The following CPXM2 variants were observed in gnomAD, a reference collection of about 807,000 sequenced individuals.
CPXM2 encodes inactive carboxypeptidase-like protein X2.
In CPXM2, 66 loss-of-function variants were observed where a neutral mutation model predicts 86.1. That is an observed-to-expected ratio of 0.77 (90% CI 0.63 to 0.94). CPXM2 has a LOEUF of 0.94. CPXM2 is among the 40% of genes least tolerant of loss of function. The pLI is 0.00. For missense variants in CPXM2, 948 were observed against 1,026.3 expected, an observed-to-expected ratio of 0.92 and a Z score of 1.04; for synonymous variants, 388 against 400.2, an observed-to-expected ratio of 0.97 and a Z score of 0.36.
chr10:123,926,626 A>G (rs1480452219), intron 2 of CPXM2, among the ~76,000 whole-genome samples: 1 of 152,258 alleles, frequency 6.6e-6, no homozygotes, highest in Non-Finnish European at 1.5e-5. Flanking sequence ...AGCTTTCTTA[A>G]CAGAGATACA....
chr10:123,857,038 A>G (rs781569339), intron 3 of CPXM2, among the ~76,000 whole-genome samples: 6 of 152,178 alleles, frequency 3.9e-5, no homozygotes, highest in Non-Finnish European at 5.9e-5. Flanking sequence ...GAGTTAGTAT[A>G]AAGGGGTCCT....
chr10:123,873,967 C>T (rs2134218075), intron 2 of CPXM2, among the ~76,000 whole-genome samples: 1 of 147,392 alleles, frequency 6.8e-6, no homozygotes, highest in East Asian at 2.0e-4. Flanking sequence ...TCAAGTGATT[C>T]TTGTGCCTCA....
At position 123,835,498 on chromosome 10, in the gene CPXM2, C is replaced by T. The variant is rs188749076; in HGVS notation, c.653+6851G>A. Among the ~76,000 whole-genome samples, 17 of 152,244 alleles carry T rather than the reference C, an allele frequency of 1.1e-4. No individual in the cohort carries two copies. The East Asian group carries it at 3.1e-3, about 28-fold the overall frequency. ...CTGCATGCCTGGCATTCTACTTGAA[C>T]TTAGAGATGTTTTCATTAAAACGCT... On this transcript the variant is annotated intron_variant, in intron 4 of 13. Transcript: ENST00000241305.
At chr10:123,901,309 C>T (rs912934896) in intron 2 of CPXM2, among the ~76,000 whole-genome samples, 18 of 152,178 alleles carry the variant, frequency 1.2e-4, no homozygotes, top group African/African-American at 4.3e-4. Context: ...CTGGGCTTCA[C>T]TGACTAGCTC....
intron 4 of CPXM2, among the ~76,000 whole-genome samples, chr10:123,801,220 T>C (rs1042792586): frequency 1.3e-5 from 2 of 152,226 alleles, no homozygotes; most frequent in Admixed American, 6.5e-5. Context: ...ATTCTCATGA[T>C]AGTGAATAAG....
intron 2 of CPXM2, among the ~76,000 whole-genome samples, chr10:123,877,896 T>C (rs1356514914): frequency 1.3e-5 from 2 of 152,228 alleles, no homozygotes; most frequent in East Asian, 3.8e-4. Context: ...GAGATGAGCC[T>C]TTTAACCCCA....
chr10:123,903,064 G>A (rs1176698696), intron 2 of CPXM2, among the ~76,000 whole-genome samples: 1 of 152,142 alleles, frequency 6.6e-6, no homozygotes, highest in Non-Finnish European at 1.5e-5. Flanking sequence ...CCTCCTCCTG[G>A]GGGAGCCCTC....
At chr10:123,890,581 C>T (rs552382907) in intron 1 of CPXM2, among the ~76,000 whole-genome samples, 1 of 152,356 alleles carries the variant, frequency 6.6e-6, no homozygotes, top group African/African-American at 2.4e-5. Context: ...GCAGCCCCTG[C>T]AATTTAAGCA....
chr10:123,882,643 T>A (rs1269950918), intron 1 of CPXM2, among the ~76,000 whole-genome samples: 1 of 152,254 alleles, frequency 6.6e-6, no homozygotes, highest in African/African-American at 2.4e-5. Flanking sequence ...ACGACAACCT[T>A]CCTTCAGCCA....
chr10:123,853,458 T>C (rs957775368), intron 3 of CPXM2, among the ~76,000 whole-genome samples: 2 of 152,208 alleles, frequency 1.3e-5, no homozygotes, highest in Admixed American at 6.5e-5. Context: ...CAGCACATCA[T>C]AGGCCCCCAG....
chr10:123,887,148 T>C (rs899765242), intron 1 of CPXM2: 11 of 152,240 alleles, frequency 7.2e-5, no homozygotes, highest in Admixed American at 7.2e-4. Flanking sequence ...TAGCAATAAG[T>C]ACTCTTCATC....
chr10:123,752,531 A>C (rs1201684400), intron 13 of CPXM2: 4 of 985,270 alleles, frequency 4.1e-6, no homozygotes, highest in African/African-American at 3.5e-5. Context: ...GCAATGAAGG[A>C]TACATGGGCC....
intron 4 of CPXM2, among the ~76,000 whole-genome samples, chr10:123,828,580 G>A (rs529664074): frequency 1.3e-5 from 2 of 152,284 alleles, no homozygotes; most frequent in African/African-American, 4.8e-5. Context: ...CACCATGATT[G>A]TGAGGCCTCC....
chr10:123,908,752 T>C (rs1166906246), intron 2 of CPXM2, among the ~76,000 whole-genome samples: 2 of 152,278 alleles, frequency 1.3e-5, no homozygotes, highest in Non-Finnish European at 1.5e-5. Flanking sequence ...TAAACAGCCA[T>C]GAGGTTTTTA....
chr10:123,880,575 A>G (rs945786037), intron 1 of CPXM2, among the ~76,000 whole-genome samples: 1 of 152,112 alleles, frequency 6.6e-6, no homozygotes, highest in African/African-American at 2.4e-5. Context: ...CACACCTGTA[A>G]TCCCAGCACT....
chr10:123,888,979 G>A (rs868646171), intron 1 of CPXM2, among the ~76,000 whole-genome samples: 3 of 152,326 alleles, frequency 2.0e-5, no homozygotes, highest in Middle Eastern at 3.4e-3. Flanking sequence ...GCTAGGCACC[G>A]AATCAACAGG....
At chr10:123,821,471 A>G (rs1261104094) in intron 4 of CPXM2, among the ~76,000 whole-genome samples, 1 of 152,204 alleles carries the variant, frequency 6.6e-6, no homozygotes, top group Non-Finnish European at 1.5e-5. Context: ...GACTTCTGAA[A>G]ACTCTTCTGA....
At chr10:123,939,641 G>A (rs2134294735) in intron 1 of CPXM2, 1 of 152,418 alleles carries the variant, frequency 6.6e-6, no homozygotes, top group African/African-American at 2.4e-5. Flanking sequence ...GTCTGGTGCA[G>A]AAGTCAGTAG....
At chr10:123,802,931 T>C (rs1293489501) in intron 4 of CPXM2, among the ~76,000 whole-genome samples, 4 of 152,126 alleles carry the variant, frequency 2.6e-5, no homozygotes, top group Non-Finnish European at 5.9e-5. Flanking sequence ...TGTATGTTCA[T>C]TGGGTATTTG....
Sources: gnomAD v4.1 joint callset for allele counts (sites outside exome capture counted in the v4.1 genomes callset) on GRCh38, gnomAD v4.1.1 for gene constraint, MANE v1.5 for transcripts, NCBI Gene and HGNC (gene_info 2026-07-23, HGNC 2026-07-21) for gene names.